Variants in ZNF536 observed in about 807,000 individuals in gnomAD.
ZNF536 encodes the protein zinc finger protein 536.
ZNF536 carries 13 observed loss-of-function variants against 84.5 expected under a neutral mutation model. The observed-to-expected ratio is 0.15, with a 90% CI of 0.10 to 0.24. ZNF536 has a LOEUF of 0.24. Among genes scored for constraint, ZNF536 ranks in the 10% least tolerant of loss-of-function variants. The pLI, the probability that ZNF536 is intolerant of heterozygous loss-of-function variation, is 1.00. For missense variants in ZNF536, 1,536 were observed against 1,747.5 expected, an observed-to-expected ratio of 0.88 and a Z score of 2.16; for synonymous variants, 811 against 742.5, an observed-to-expected ratio of 1.09 and a Z score of -1.50.
At chr19:30,281,650 C>T (rs571351278) in intron 1 of ZNF536, among the ~76,000 whole-genome samples, 4 of 152,236 alleles carry the variant, frequency 2.6e-5, no homozygotes, top group Admixed American at 6.5e-5. Context: ...GGGAGGGCTG[C>T]GTGGGAGCCT....
chr19:30,430,903 T>G (rs182969335), intron 1 of ZNF536, among the ~76,000 whole-genome samples: 23 of 152,350 alleles, frequency 1.5e-4, no homozygotes, highest in African/African-American at 5.5e-4. Context: ...CTCAAACTCC[T>G]AATCTCAAGT....
At chr19:30,396,035 G>C (rs1326174703) in intron 1 of ZNF536, among the ~76,000 whole-genome samples, 1 of 152,078 alleles carries the variant, frequency 6.6e-6, no homozygotes, top group Admixed American at 6.6e-5. Context: ...ACATTCTGTG[G>C]GTTCTGACAA....
At chr19:30,497,668 T>C (rs549833505) in intron 2 of ZNF536, among the ~76,000 whole-genome samples, 1 of 152,186 alleles carries the variant, frequency 6.6e-6, no homozygotes, top group Admixed American at 6.5e-5. Flanking sequence ...CCCCGGATCC[T>C]GAATTCTTCG....
chr19:30,251,042 G>T (rs1401201640), intron 1 of ZNF536, among the ~76,000 whole-genome samples: 1 of 152,022 alleles, frequency 6.6e-6, no homozygotes, highest in Admixed American at 6.5e-5. Flanking sequence ...GGTCTACAAA[G>T]AACATGTGGG....
chr19:30,254,588 A>G (rs139609226), intron 1 of ZNF536, among the ~76,000 whole-genome samples: 1 of 1,452 alleles, frequency 6.9e-4, no homozygotes. Context: ...CTCTTTTTGA[A>G]AAAAAAAAAA....
rs1470310726 is a variant in ZNF536, at chr19:30,392,495, G to A, written c.-3+19939G>A. Among the ~76,000 whole-genome samples the A allele has an allele frequency of 7.9e-5, 12 of 152,172 alleles. 1 individual carries two copies. The highest frequency in any genetic ancestry group is 6.5e-4 in the Admixed American group (10 of 15,284). On this transcript the variant is annotated intron_variant, in intron 1 of 4. Transcript: ENST00000355537. ...CACCGCCCGGCAGCAATTATCTGCGGTTAGCTGGTTACTCCGAGCTGCCAA... is the reference window on the plus strand; with the variant it reads ...CACCGCCCGGCAGCAATTATCTGCGATTAGCTGGTTACTCCGAGCTGCCAA...
chr19:30,612,192 A>C (rs978990600), intron 1 of ZNF536, among the ~76,000 whole-genome samples: 2 of 152,196 alleles, frequency 1.3e-5, no homozygotes, highest in African/African-American at 4.8e-5. Context: ...TTACAGATTT[A>C]GAAATGGGAA....
At chr19:30,240,791 A>G (rs1489626793) in intron 1 of ZNF536, among the ~76,000 whole-genome samples, 1 of 152,204 alleles carries the variant, frequency 6.6e-6, no homozygotes, top group African/African-American at 2.4e-5. Flanking sequence ...GATGAACAAG[A>G]AGTGAAGGGC....
In ZNF536 at chr19:30,392,474, G is replaced by T. The variant is rs145481766; in HGVS notation, c.-3+19918G>T. ...TGTAGAATCCGTGCCCTGCACCACC[G>T]CCCGGCAGCAATTATCTGCGGTTAG... On this transcript the variant is annotated intron_variant, in intron 1 of 4. Coordinates refer to ENST00000355537, the MANE Select transcript of ZNF536 (RefSeq NM_014717.3). Among the ~76,000 whole-genome samples, 11 of 152,240 alleles carry T rather than the reference G, an allele frequency of 7.2e-5. No homozygotes were observed. The East Asian group carries it at 1.9e-3, about 27-fold the overall frequency.
At chr19:30,529,608 C>T (rs944522895) in intron 2 of ZNF536, among the ~76,000 whole-genome samples, 7 of 152,144 alleles carry the variant, frequency 4.6e-5, no homozygotes, top group Admixed American at 6.5e-5. Context: ...TAAGAACAAG[C>T]GAATGGGCAT....
chr19:30,663,996 A>G (rs2050212894), intron 1 of ZNF536, among the ~76,000 whole-genome samples: 1 of 152,138 alleles, frequency 6.6e-6, no homozygotes, highest in South Asian at 2.1e-4. Context: ...TTTTTTTTCT[A>G]GGCTTCTTTA....
At chr19:30,256,288 T>A (rs1164909915) in intron 1 of ZNF536, among the ~76,000 whole-genome samples, 1 of 152,198 alleles carries the variant, frequency 6.6e-6, no homozygotes, top group East Asian at 1.9e-4. Flanking sequence ...ATCCAAGACG[T>A]CGTATGCGAT....
chr19:30,687,750 T>C (rs549234979), intron 1 of ZNF536, among the ~76,000 whole-genome samples: 81 of 152,336 alleles, frequency 5.3e-4, no homozygotes, highest in African/African-American at 1.8e-3. Context: ...GAGGGAGCAC[T>C]TTCAGGCCTC....
intron 1 of ZNF536, among the ~76,000 whole-genome samples, chr19:30,245,386 C>G (rs1321440804): frequency 6.6e-6 from 1 of 152,218 alleles, no homozygotes; most frequent in Admixed American, 6.5e-5. Context: ...AGCCAGGGCC[C>G]CTAACAGTCT....
At chr19:30,446,392 G>A (rs1017225860) in intron 2 of ZNF536, among the ~76,000 whole-genome samples, 7 of 151,674 alleles carry the variant, frequency 4.6e-5, no homozygotes, top group Non-Finnish European at 1.0e-4. Context: ...ACCGCCTGAC[G>A]CTGTCGGCCA....
intron 2 of ZNF536, among the ~76,000 whole-genome samples, chr19:30,476,453 A>G (rs1156521140): frequency 3.3e-5 from 5 of 152,214 alleles, no homozygotes; most frequent in African/African-American, 1.2e-4. Context: ...TAAGAGGGAA[A>G]TGTCACTGGG....
intron 2 of ZNF536, among the ~76,000 whole-genome samples, chr19:30,313,907 A>G (rs902566186): frequency 2.6e-5 from 4 of 152,218 alleles, no homozygotes; most frequent in Non-Finnish European, 4.4e-5. Context: ...GCTCCGCACT[A>G]TGCGGACTTC....
chr19:30,356,835 T>C lies in ZNF536; in HGVS notation c.-3+4351T>C, dbSNP rs991464037. 6.6e-5 allele frequency among the ~76,000 whole-genome samples: 10 copies of C among 152,242 alleles called. No homozygotes were observed. The South Asian group carries it at 2.1e-3, about 31-fold the overall frequency. ...AGTATGATTCATTCCATTTTCCAGA[T>C]GTGGGATCTGAGGCCAGAGAAGTGG... On this transcript the variant is annotated intron_variant, in intron 3 of 5. Transcript: ENST00000585628.
intron 1 of ZNF536, among the ~76,000 whole-genome samples, chr19:30,659,816 A>G (rs1319128121): frequency 6.7e-6 from 1 of 148,504 alleles, no homozygotes; most frequent in Admixed American, 6.6e-5. Context: ...TCACTATTTG[A>G]CATGAGATTT....
Sources: gnomAD v4.1 joint callset for allele counts (sites outside exome capture counted in the v4.1 genomes callset) on GRCh38, gnomAD v4.1.1 for gene constraint, MANE v1.5 for transcripts, NCBI Gene and HGNC (gene_info 2026-07-23, HGNC 2026-07-21) for gene names.